Variants in FCGR2A observed in about 807,000 individuals in gnomAD.
FCGR2A encodes low affinity immunoglobulin gamma Fc region receptor II-a.
FCGR2A carries 18 observed loss-of-function variants against 29.3 expected under a neutral mutation model. That is an observed-to-expected ratio of 0.62 (90% confidence interval 0.43 to 0.91). FCGR2A has a LOEUF of 0.91. Among genes scored for constraint, FCGR2A ranks in the 40% least tolerant of loss-of-function variants. The probability of loss-of-function intolerance (pLI) is 0.00; values close to 1 mark genes in which losing one functional copy is unlikely to be tolerated. For synonymous variants in FCGR2A, 126 were observed against 144.8 expected, an observed-to-expected ratio of 0.87 and a Z score of 0.93; for missense variants, 287 against 393.0, an observed-to-expected ratio of 0.73 and a Z score of 2.28.
chr1:161,513,987 T>G, intron 6 of FCGR2A, 55 bp downstream of exon 6: 1 of 1,613,540 alleles, frequency 6.2e-7, no homozygotes, highest in Non-Finnish European at 8.5e-7. Context: ...CTCTCCTGTT[T>G]CCTCTCATTT....
intron 3 of FCGR2A, among the ~76,000 whole-genome samples, chr1:161,506,948 A>G (rs1675456152): frequency 6.6e-6 from 1 of 152,174 alleles, no homozygotes; most frequent in South Asian, 2.1e-4. Flanking sequence ...GGTTGGGGGA[A>G]ATAGACCTCT....
At chr1:161,506,944 G>GGGAAATAGACCTCTAAA (rs1440063454) in intron 3 of FCGR2A, among the ~76,000 whole-genome samples, 2 of 152,180 alleles carry the variant, frequency 1.3e-5, no homozygotes, top group Non-Finnish European at 2.9e-5. Flanking sequence ...GAGAGGTTGG[G>GGGAAATAGACCTCTAAA]GGAAATAGAC....
intron 2 of FCGR2A, 123 bp downstream of exon 2, chr1:161,506,130 GGCA>G: frequency 7.8e-7 from 1 of 1,288,310 alleles, no homozygotes; most frequent in South Asian, 1.2e-5. Context: ...GTTCAGCATG[GGCA>G]GTTCCCCCAT....
rs1222115961 is a variant in FCGR2A at position 161,512,947 on chromosome 1, G to A, written c.743-948G>A. Among the ~76,000 whole-genome samples the A allele has an allele frequency of 3.3e-5, 5 of 152,288 alleles. No homozygotes were observed. In the East Asian group the frequency reaches 5.8e-4, roughly 18 times the overall value. On this transcript the variant is annotated intron_variant, in intron 5 of 6. Transcript: ENST00000271450. ...CACTGGCATAAGCACACTTCACGAG[G>A]CACTTTTGCAGCCAGGCATGGGGGC...
At chr1:161,522,596 A>G (rs1181456541), downstream of FCGR2A, among the ~76,000 whole-genome samples, 1 of 152,114 alleles carries the variant, frequency 6.6e-6, no homozygotes, top group Non-Finnish European at 1.5e-5. Flanking sequence ...CCGTTGGCAA[A>G]TGTCTTGACT....
At chr1:161,515,621 G>A (rs1038824692) in intron 6 of FCGR2A, among the ~76,000 whole-genome samples, 1 of 151,866 alleles carries the variant, frequency 6.6e-6, no homozygotes, top group African/African-American at 2.4e-5. Flanking sequence ...TCAGCAAAAT[G>A]ACTCATCAAA....
chr1:161,512,769 T>C (rs1371846200), intron 5 of FCGR2A, among the ~76,000 whole-genome samples: 2 of 152,200 alleles, frequency 1.3e-5, no homozygotes, highest in Non-Finnish European at 2.9e-5. Context: ...GAGCAAAATA[T>C]CACTTGTTCA....
At position 161,519,617 on chromosome 1, in the gene FCGR2A, C is replaced by A. The variant is rs568483153; in HGVS notation, c.*1469C>A. On this transcript the variant is annotated 3_prime_UTR_variant, in exon 7 of 7. Coordinates refer to ENST00000271450, the MANE Select transcript of FCGR2A (RefSeq NM_001136219.3). ...TGTATTGATTGGGGTGTAGACTGAA[C>A]TATCCGGGGTCTGTTTCTTTTCGGT... The A allele has an allele frequency of 6.6e-6, 1 of 151,972 alleles. No homozygotes were observed. The highest frequency in any genetic ancestry group is 1.5e-5 in the Non-Finnish European group (1 of 67,978). The allele number at this position is 151,972 out of a possible 1,614,324, so 9.4% of individuals were successfully genotyped here.
intron 5 of FCGR2A, among the ~76,000 whole-genome samples, chr1:161,512,757 T>C (rs1453537392): frequency 1.3e-5 from 2 of 152,296 alleles, no homozygotes; most frequent in Non-Finnish European, 2.9e-5. Context: ...ATTTAAGAGC[T>C]TGAGCAAAAT....
intron 4 of FCGR2A, 102 bp downstream of exon 4, chr1:161,510,176 A>C: frequency 6.4e-7 from 1 of 1,554,596 alleles, no homozygotes; most frequent in Admixed American, 1.9e-5. Context: ...CCATAGCAGC[A>C]AAATTGGGCA....
chr1:161,505,688 T>C lies in FCGR2A; in HGVS notation c.85+136T>C, dbSNP rs1300469742. 4 of 788,826 alleles carry C rather than the reference T, an allele frequency of 5.1e-6. No individual in the cohort carries two copies. The African/African-American group carries it at 6.8e-5, about 13-fold the overall frequency. 48.9% of individuals were successfully genotyped at this position (788,826 alleles called of 1,614,324 possible). ...TGAAAGAGGAGAGAGGACCCTGAAT[T>C]CTTAAGTGTTCCAATGGTTCCTAAG... On this transcript the variant is annotated intron_variant, in intron 1 of 6. Transcript: ENST00000271450.
chr1:161,505,705 G>A (rs1283435062), intron 1 of FCGR2A, 153 bp downstream of exon 1: 28 of 745,296 alleles, frequency 3.8e-5, no homozygotes, highest in Admixed American at 6.1e-5. Flanking sequence ...TGTTCCAATG[G>A]TTCCTAAGGT....
At chr1:161,509,738 C>CTGTGAGTAA in intron 3 of FCGR2A, 82 bp from the exon 4 acceptor site, 1 of 1,550,276 alleles carries the variant, frequency 6.5e-7, no homozygotes, top group Non-Finnish European at 8.8e-7. Flanking sequence ...ATGTCAAGTT[C>CTGTGAGTAA]TGTGAGTAAC....
chr1:161,518,287 T>G lies in FCGR2A; in HGVS notation c.*139T>G. 1 of 1,346,170 alleles carries G rather than the reference T, an allele frequency of 7.4e-7. No homozygotes were observed. Among genetic ancestry groups the G allele is most frequent in the South Asian group, 1.5e-5 (1 of 65,418 alleles). The allele number at this position is 1,346,170 out of a possible 1,614,324, so 83.4% of individuals were successfully genotyped here. ...AACCACCTGGCCCTTAGAAATAGCT[T>G]TAACTTTGCTTAAACTACAAACACA... is the stretch of plus-strand genomic sequence containing the variant. On this transcript the variant is annotated 3_prime_UTR_variant, in exon 7 of 7. Coordinates refer to ENST00000271450, the MANE Select transcript of FCGR2A (RefSeq NM_001136219.3).
chr1:161,513,788 G>C, intron 5 of FCGR2A, 107 bp from the exon 6 acceptor site: 1 of 1,505,530 alleles, frequency 6.6e-7, no homozygotes, highest in South Asian at 1.1e-5. Flanking sequence ...CAAGGGGTCA[G>C]CAGTCCTTGC....
At chr1:161,523,899 A>C (rs560531224), downstream of FCGR2A, 4 of 152,082 alleles carry the variant, frequency 2.6e-5, 1 homozygote, top group African/African-American at 9.7e-5. Context: ...CGAGAATTCT[A>C]CCACTGAACC....
intron 3 of FCGR2A, 28 bp from the exon 4 acceptor site, chr1:161,509,792 T>C (rs1675640878): frequency 6.2e-7 from 1 of 1,613,408 alleles, no homozygotes; most frequent in African/African-American, 1.3e-5. Context: ...TCCTTACAAC[T>C]TTTTCTTATC....
At chr1:161,517,463 T>C (rs913355086) in intron 6 of FCGR2A, among the ~76,000 whole-genome samples, 1 of 152,176 alleles carries the variant, frequency 6.6e-6, no homozygotes, top group African/African-American at 2.4e-5. Context: ...GTGGATTGGC[T>C]ATTTTAAAAC....
At chr1:161,515,575 C>T (rs1470260699) in intron 6 of FCGR2A, among the ~76,000 whole-genome samples, 1 of 152,016 alleles carries the variant, frequency 6.6e-6, no homozygotes, top group Non-Finnish European at 1.5e-5. Context: ...TTTCTCTGGG[C>T]CTTTGAGTTG....
Sources: gnomAD v4.1 joint callset for allele counts (sites outside exome capture counted in the v4.1 genomes callset) on GRCh38, gnomAD v4.1.1 for gene constraint, MANE v1.5 for transcripts, NCBI Gene and HGNC (gene_info 2026-07-23, HGNC 2026-07-21) for gene names.